The following YEATS2 variants were observed in gnomAD, a reference collection of about 807,000 sequenced individuals.
YEATS2 encodes YEATS domain containing 2, also known as YEATS domain-containing protein 2.
Under a neutral mutation model 163.2 loss-of-function variants are expected in YEATS2, and 77 were observed. The ratio of observed to expected loss-of-function variants is 0.47; its 90% CI spans 0.39 to 0.57. The LOEUF (loss-of-function observed/expected upper bound fraction) is 0.57, where lower values mean the gene tolerates loss of function less well. Ranked by LOEUF, YEATS2 falls within the 20% of genes least tolerant of loss-of-function variation. The pLI is 0.00. For synonymous variants in YEATS2, 631 were observed against 645.1 expected (o/e 0.98, Z 0.33); for missense variants, 1,549 against 1,729.8 (o/e 0.90, Z 1.85).
chr3:183,760,967 G>A (rs1721290409), intron 13 of YEATS2, among the ~76,000 whole-genome samples: 1 of 152,202 alleles, frequency 6.6e-6, no homozygotes, highest in Admixed American at 6.5e-5. Context: ...TCTTTCCAGT[G>A]TACAGCAGGA....
At chr3:183,705,328 G>A (rs1714510391) in intron 1 of YEATS2, among the ~76,000 whole-genome samples, 1 of 152,186 alleles carries the variant, frequency 6.6e-6, no homozygotes, top group African/African-American at 2.4e-5. Context: ...GGGATTACAA[G>A]CGTGAGCCAC....
chr3:183,810,175 C>G (rs981232218), intron 30 of YEATS2: 1 of 257,628 alleles, frequency 3.9e-6, no homozygotes, highest in East Asian at 9.9e-5. Context: ...AGCTTTCGGT[C>G]TGCTGAGACT....
chr3:183,704,010 A>T (rs1230289423), intron 1 of YEATS2, among the ~76,000 whole-genome samples: 1 of 151,862 alleles, frequency 6.6e-6, no homozygotes, highest in Non-Finnish European at 1.5e-5. Context: ...AAATAGCCAG[A>T]TGTGGTGGTG....
chr3:183,708,713 A>G (rs1005766081), intron 1 of YEATS2, among the ~76,000 whole-genome samples: 3 of 152,062 alleles, frequency 2.0e-5, no homozygotes, highest in Non-Finnish European at 4.4e-5. Context: ...TAAAAAATAA[A>G]AAGATTAGCA....
chr3:183,803,237 C>G lies in YEATS2; in HGVS notation c.3503-19C>G, dbSNP rs1360983607. 1 of 1,609,892 alleles carries G rather than the reference C, an allele frequency of 6.2e-7. No individual in the cohort carries two copies. The highest frequency in any genetic ancestry group is 1.3e-5 in the African/African-American group (1 of 74,842). Reference sequence around the variant, plus strand: ...TCGTAAGAGCTTTATTCAGGCTTTGCTGGGTGTGTGCATTCTAGGTGAAGA... The same window carrying G: ...TCGTAAGAGCTTTATTCAGGCTTTGGTGGGTGTGTGCATTCTAGGTGAAGA... On this transcript the variant is annotated intron_variant, in intron 25 of 30. Transcript: ENST00000305135.
chr3:183,757,811 G>GT (rs1720929169), intron 12 of YEATS2, among the ~76,000 whole-genome samples: 1 of 147,638 alleles, frequency 6.8e-6, no homozygotes, highest in Non-Finnish European at 1.5e-5. Context: ...AATAGTGATT[G>GT]TAATTGTGGA....
intron 17 of YEATS2, among the ~76,000 whole-genome samples, chr3:183,775,352 C>G (rs1212467062): frequency 6.6e-6 from 1 of 152,192 alleles, no homozygotes; most frequent in Non-Finnish European, 1.5e-5. Context: ...AATCCCAGCA[C>G]TTTGGAGGGC....
chr3:183,767,007 AT>A (rs1269599184), intron 15 of YEATS2, among the ~76,000 whole-genome samples: 2 of 152,174 alleles, frequency 1.3e-5, no homozygotes, highest in Non-Finnish European at 2.9e-5. Context: ...TAACAAACTA[AT>A]TTTGGGTAAT....
intron 26 of YEATS2, 98 bp from the exon 27 acceptor site, chr3:183,803,889 C>T: frequency 7.9e-7 from 1 of 1,268,008 alleles, no homozygotes; most frequent in Middle Eastern, 2.4e-4. Context: ...AAAATTCTAA[C>T]AGGTTAGGTT....
intron 15 of YEATS2, among the ~76,000 whole-genome samples, chr3:183,766,325 G>A (rs1259372943): frequency 6.6e-6 from 1 of 152,200 alleles, no homozygotes; most frequent in Non-Finnish European, 1.5e-5. Context: ...ACTAATGTGA[G>A]TATCAGGCAT....
intron 19 of YEATS2, among the ~76,000 whole-genome samples, chr3:183,782,172 C>T (rs886534445): frequency 1.3e-4 from 19 of 151,434 alleles, no homozygotes; most frequent in African/African-American, 3.2e-4. Context: ...TGCAGTGGTG[C>T]GATCTTGGCT....
rs897367859 is a variant in YEATS2 at position 183,812,465 on chromosome 3, A to G, written c.*1882A>G. The G allele has an allele frequency of 9.2e-5, 14 of 152,660 alleles. No homozygotes were observed. The highest frequency in any genetic ancestry group is 2.6e-4 in the Admixed American group (4 of 15,278). 9.5% of individuals were successfully genotyped at this position (152,660 alleles called of 1,614,324 possible). On this transcript the variant is annotated 3_prime_UTR_variant, in exon 31 of 31. Coordinates refer to ENST00000305135, the MANE Select transcript of YEATS2 (RefSeq NM_018023.5). ...AAAGATCTGATCCAAATGAGAACAG[A>G]TTGGTTATTGCAGGTATCACAGCCT...
intron 1 of YEATS2, among the ~76,000 whole-genome samples, chr3:183,700,547 C>G (rs1171708761): frequency 6.6e-6 from 1 of 151,584 alleles, no homozygotes; most frequent in Non-Finnish European, 1.5e-5. Flanking sequence ...AGTTTTCTCA[C>G]AGAAAACAAG....
At chr3:183,793,335 T>G in intron 21 of YEATS2, 1 of 1,090,584 alleles carries the variant, frequency 9.2e-7, no homozygotes, top group African/African-American at 1.6e-5. Flanking sequence ...AAATTAAGGC[T>G]GATTATATTT....
intron 29 of YEATS2, chr3:183,808,627 G>A (rs927134876): frequency 5.8e-5 from 10 of 172,500 alleles, no homozygotes; most frequent in South Asian, 1.4e-4. Flanking sequence ...AGGCCGAGGC[G>A]GGTGGATCAT....
At chr3:183,727,904 G>GT (rs1333750762) in intron 6 of YEATS2, among the ~76,000 whole-genome samples, 2 of 151,404 alleles carry the variant, frequency 1.3e-5, no homozygotes, top group Non-Finnish European at 2.9e-5. Context: ...AAATATGCCA[G>GT]TTTATTTCCA....
intron 21 of YEATS2, among the ~76,000 whole-genome samples, chr3:183,794,499 T>A (rs1390765264): frequency 1.3e-5 from 2 of 152,220 alleles, no homozygotes; most frequent in Non-Finnish European, 2.9e-5. Context: ...GTAGAACTAT[T>A]TCTGACAAAG....
intron 4 of YEATS2, among the ~76,000 whole-genome samples, chr3:183,721,566 A>G (rs74285599): frequency 0.017 from 2,566 of 152,256 alleles, 78 homozygotes; most frequent in East Asian, 0.14. Context: ...AGAGCAGTTG[A>G]TATGTTTGTG....
chr3:183,788,104 C>T (rs1309756965), intron 20 of YEATS2, among the ~76,000 whole-genome samples: 4 of 152,136 alleles, frequency 2.6e-5, no homozygotes, highest in Non-Finnish European at 5.9e-5. Context: ...GTAATAATCG[C>T]ATCAGGGTAA....
Sources: gnomAD v4.1 joint callset for allele counts (sites outside exome capture counted in the v4.1 genomes callset) on GRCh38, gnomAD v4.1.1 for gene constraint, MANE v1.5 for transcripts, NCBI Gene and HGNC (gene_info 2026-07-23, HGNC 2026-07-21) for gene names.